The following DTNB variants were observed in gnomAD, a reference collection of about 807,000 sequenced individuals.
The protein encoded by DTNB is DTN-B.
Under a neutral mutation model 90.7 loss-of-function variants are expected in DTNB, and 63 were observed. That is an observed-to-expected ratio of 0.69 (90% CI 0.57 to 0.86). The LOEUF (loss-of-function observed/expected upper bound fraction) is 0.86. Ranked by LOEUF, DTNB falls within the 40% of genes least tolerant of loss-of-function variation. The pLI, the probability that DTNB is intolerant of heterozygous loss-of-function variation, is 0.00. For missense variants in DTNB, 744 were observed against 807.1 expected (o/e 0.92, Z 0.95); for synonymous variants, 277 against 286.7 (o/e 0.97, Z 0.34).
At chr2:25,584,781 T>C (rs1203018656) in intron 6 of DTNB, among the ~76,000 whole-genome samples, 1 of 152,188 alleles carries the variant, frequency 6.6e-6, no homozygotes, top group Non-Finnish European at 1.5e-5. Context: ...GGTGTTGAAC[T>C]CCTGACCTCA....
In DTNB at chr2:25,596,149, A is replaced by G. The variant is rs780781783; in HGVS notation, c.540T>C (p.Ala180=). The G allele has an allele frequency of 2.0e-5, 33 of 1,613,478 alleles. No individual in the cohort carries two copies. Among genetic ancestry groups the G allele is most frequent in the Non-Finnish European group, 2.5e-5 (29 of 1,179,656 alleles). The change falls in exon 6 of 21, where the codon GCT becomes GCC. Residue 180 remains alanine (A), a synonymous_variant. Coordinates refer to ENST00000406818, the MANE Select transcript of DTNB (RefSeq NM_021907.5). ...FLKEVLKLPT[A]VFEGPSFGYT... The stretch of plus-strand genomic sequence containing the variant: ...AACCAAAAGATGGCCCTTCAAAGAC[A>G]GCTGTTGGGAGCTTCAGAACTTCCT...
intron 12 of DTNB, among the ~76,000 whole-genome samples, chr2:25,445,538 TG>T (rs1476328150): frequency 1.3e-5 from 2 of 152,188 alleles, no homozygotes; most frequent in African/African-American, 4.8e-5. Context: ...AAACATAAAT[TG>T]GTACGCATTT....
chr2:25,491,050 T>TA (rs925729772), intron 9 of DTNB, among the ~76,000 whole-genome samples: 150 of 145,160 alleles, frequency 1.0e-3, no homozygotes, highest in Admixed American at 2.7e-3. Flanking sequence ...ATGCTTAATG[T>TA]AAAAAAAAAA....
chr2:25,569,238 G>A (rs994892865), intron 8 of DTNB, among the ~76,000 whole-genome samples: 4 of 152,154 alleles, frequency 2.6e-5, no homozygotes, highest in African/African-American at 7.2e-5. Flanking sequence ...ATCTGCAGGT[G>A]TAATCAAATG....
At chr2:25,666,527 A>C (rs2084485939) in intron 1 of DTNB, among the ~76,000 whole-genome samples, 1 of 152,216 alleles carries the variant, frequency 6.6e-6, no homozygotes, top group Admixed American at 6.5e-5. Flanking sequence ...AACAAAGAAA[A>C]AAGTCTTTGT....
intron 8 of DTNB, among the ~76,000 whole-genome samples, chr2:25,570,406 C>CAAAAAAAAAAAAAAAAAAAAAAAAAAAAA (rs146251976): frequency 2.2e-5 from 2 of 89,916 alleles, no homozygotes; most frequent in Non-Finnish European, 4.1e-5. Context: ...TTTCCTGTCT[C>CAAAAAAAAAAAAAAAAAAAAAAAAAAAAA]AAAAAAAAAA....
At chr2:25,637,481 G>A (rs1192966126) in intron 3 of DTNB, among the ~76,000 whole-genome samples, 4 of 152,136 alleles carry the variant, frequency 2.6e-5, no homozygotes, top group African/African-American at 9.7e-5. Flanking sequence ...CTAATATCCA[G>A]AATCTACAAA....
At chr2:25,379,582 C>T (rs2036977312) in intron 19 of DTNB, 5 of 390,206 alleles carry the variant, frequency 1.3e-5, no homozygotes, top group Admixed American at 9.0e-5. Context: ...GGAATCAAAA[C>T]TCCTTAAATC....
chr2:25,660,147 GAGA>G (rs1377091771), intron 1 of DTNB, among the ~76,000 whole-genome samples: 2 of 152,128 alleles, frequency 1.3e-5, no homozygotes, highest in Non-Finnish European at 2.9e-5. Context: ...CAATTCAAGA[GAGA>G]AAGGACAGTC....
At chr2:25,447,973 G>A (rs1378967055) in intron 12 of DTNB, among the ~76,000 whole-genome samples, 1 of 152,178 alleles carries the variant, frequency 6.6e-6, no homozygotes, top group Non-Finnish European at 1.5e-5. Flanking sequence ...GGCAGTAGTA[G>A]TGACAGCAAC....
intron 10 of DTNB, among the ~76,000 whole-genome samples, chr2:25,459,036 T>C (rs1317757502): frequency 6.6e-6 from 1 of 152,058 alleles, no homozygotes; most frequent in Non-Finnish European, 1.5e-5. Context: ...TATGTCTTTT[T>C]TTTTTTTCTC....
At chr2:25,612,034 T>G (rs1188912257) in intron 4 of DTNB, among the ~76,000 whole-genome samples, 1 of 152,174 alleles carries the variant, frequency 6.6e-6, no homozygotes, top group Non-Finnish European at 1.5e-5. Flanking sequence ...GGTAGAAAAC[T>G]GTTCCATTCT....
chr2:25,609,773 G>A (rs1485636797), intron 4 of DTNB, among the ~76,000 whole-genome samples: 1 of 151,644 alleles, frequency 6.6e-6, no homozygotes, highest in Non-Finnish European at 1.5e-5. Flanking sequence ...CTAGGGTGGG[G>A]CGTTGACACT....
chr2:25,378,141 G>T (rs182414158), intron 20 of DTNB, among the ~76,000 whole-genome samples: 2 of 152,316 alleles, frequency 1.3e-5, no homozygotes, highest in Non-Finnish European at 2.9e-5. Context: ...AGTTCCTTCT[G>T]CCCCGGGGAG....
intron 9 of DTNB, 27 bp downstream of exon 9, chr2:25,531,446 C>T (rs751545173): frequency 5.0e-6 from 8 of 1,600,046 alleles, no homozygotes; most frequent in African/African-American, 1.3e-5. Context: ...CAGTGTGATC[C>T]ACATGCACAT....
At chr2:25,439,902 A>G (rs575881022) in intron 12 of DTNB, among the ~76,000 whole-genome samples, 1 of 152,366 alleles carries the variant, frequency 6.6e-6, no homozygotes, top group Non-Finnish European at 1.5e-5. Context: ...AAATCCAGCA[A>G]GTAGCAAAGG....
intron 9 of DTNB, among the ~76,000 whole-genome samples, chr2:25,528,816 C>G (rs1194519141): frequency 6.6e-6 from 1 of 152,144 alleles, no homozygotes; most frequent in African/African-American, 2.4e-5. Flanking sequence ...TTACAAATGT[C>G]AAGTGACATG....
At chr2:25,666,592 G>C (rs1240593405) in intron 1 of DTNB, among the ~76,000 whole-genome samples, 2 of 152,188 alleles carry the variant, frequency 1.3e-5, no homozygotes, top group African/African-American at 2.4e-5. Context: ...TGGCCAGTAA[G>C]TACATTCTTT....
At chr2:25,659,011 C>A (rs1258900348) in intron 1 of DTNB, among the ~76,000 whole-genome samples, 1 of 152,098 alleles carries the variant, frequency 6.6e-6, no homozygotes, top group Admixed American at 6.5e-5. Context: ...AATCGTCCCA[C>A]CCCTGCTTCT....
Sources: allele counts gnomAD v4.1 joint callset (sites outside exome capture counted in the v4.1 genomes callset), GRCh38; gene constraint gnomAD v4.1.1; transcripts MANE v1.5; gene names NCBI Gene and HGNC (gene_info 2026-07-23, HGNC 2026-07-21).